Variants in HDAC9 observed in about 807,000 individuals in gnomAD.
HDAC9 encodes the protein MEF-2 interacting transcription repressor (MITR) protein.
HDAC9 carries 41 observed loss-of-function variants against 139.4 expected under a neutral mutation model. That is an observed-to-expected ratio of 0.29 (90% CI 0.23 to 0.38). HDAC9 has a LOEUF of 0.38. Among genes scored for constraint, HDAC9 ranks in the 10% least tolerant of loss-of-function variants. The pLI, the probability that HDAC9 is intolerant of heterozygous loss-of-function variation, is 1.00. For missense variants in HDAC9, 1,147 were observed against 1,297.0 expected (o/e 0.88, Z 1.78); for synonymous variants, 517 against 476.2 (o/e 1.09, Z -1.12).
chr7:18,635,867 A>C (rs2128995001), intron 8 of HDAC9, among the ~76,000 whole-genome samples: 2 of 152,200 alleles, frequency 1.3e-5, no homozygotes, highest in East Asian at 3.9e-4. Context: ...CTGTCTCCTG[A>C]GGCAACCCAG....
intron 1 of HDAC9, among the ~76,000 whole-genome samples, chr7:18,110,823 A>G (rs1783565788): frequency 6.6e-6 from 1 of 152,136 alleles, no homozygotes; most frequent in Admixed American, 6.6e-5. Context: ...AGTAATTGTG[A>G]TGATGGGGAA....
intron 21 of HDAC9, among the ~76,000 whole-genome samples, chr7:18,871,652 T>C (rs557183839): frequency 1.4e-4 from 21 of 152,208 alleles, no homozygotes; most frequent in Non-Finnish European, 2.5e-4. Flanking sequence ...ATCAGTGCTT[T>C]CACAGATTTG....
intron 22 of HDAC9, among the ~76,000 whole-genome samples, chr7:18,883,802 CA>C (rs921603771): frequency 9.3e-5 from 14 of 151,018 alleles, no homozygotes; most frequent in Admixed American, 4.0e-4. Context: ...AAGGTTCCAG[CA>C]AAAAAAACCT....
intron 1 of HDAC9, among the ~76,000 whole-genome samples, chr7:18,486,380 A>G (rs1023381278): frequency 5.3e-5 from 8 of 152,156 alleles, no homozygotes; most frequent in Non-Finnish European, 1.0e-4. Context: ...GTATATGATC[A>G]TAAGGCCCTT....
At chr7:18,125,560 A>T (rs941861581) in intron 1 of HDAC9, among the ~76,000 whole-genome samples, 2 of 151,962 alleles carry the variant, frequency 1.3e-5, no homozygotes, top group Non-Finnish European at 2.9e-5. Context: ...TAATGACAAC[A>T]CTTTGGAAAC....
intron 21 of HDAC9, chr7:18,851,266 G>C (rs1585152573): frequency 1.3e-5 from 2 of 152,312 alleles, no homozygotes; most frequent in East Asian, 1.9e-4. Context: ...CCCATGTGTC[G>C]AGGGAGGGAC....
chr7:18,920,376 G>C (rs573048389), intron 22 of HDAC9, among the ~76,000 whole-genome samples: 20 of 152,182 alleles, frequency 1.3e-4, no homozygotes, highest in Admixed American at 2.6e-4. Context: ...TTGCTTATCA[G>C]CTTAAGGAGA....
At chr7:18,519,928 G>T (rs1804489501) in intron 2 of HDAC9, among the ~76,000 whole-genome samples, 1 of 151,924 alleles carries the variant, frequency 6.6e-6, no homozygotes, top group Admixed American at 6.6e-5. Flanking sequence ...AACATAGAAG[G>T]ATGAGCTCAA....
intron 13 of HDAC9, among the ~76,000 whole-genome samples, chr7:18,729,225 C>T (rs182827417): frequency 2.0e-5 from 3 of 152,106 alleles, no homozygotes; most frequent in African/African-American, 4.8e-5. Context: ...TCAGAAAATA[C>T]AGAGTAACAA....
At chr7:18,982,134 G>C (rs147408022) in intron 25 of HDAC9, among the ~76,000 whole-genome samples, 312 of 152,190 alleles carry the variant, frequency 2.1e-3, no homozygotes, top group African/African-American at 7.1e-3. Flanking sequence ...ACAATAACTT[G>C]AGACAATATA....
intron 1 of HDAC9, chr7:18,429,113 C>T (rs1562977215): frequency 6.6e-6 from 1 of 152,154 alleles, no homozygotes; most frequent in Admixed American, 6.5e-5. Context: ...ACTAGCAAGG[C>T]TTGTTGTTTT....
In HDAC9 at chr7:18,835,520, C is replaced by T; in HGVS notation, c.2520C>T (p.Ile840=). The T allele has an allele frequency of 6.2e-7, 1 of 1,613,550 alleles. No individual in the cohort carries two copies. The highest frequency in any genetic ancestry group is 8.5e-7 in the Non-Finnish European group (1 of 1,179,510). ...TQQAFYADPS[I]LYISLHRYDE... ...AGGCCTTTTATGCTGACCCCAGCAT[C>T]CTGTACATTTCACTCCATCGCTATG... Residue 840 remains isoleucine (I), a synonymous_variant, in exon 20 of 26, where the codon ATC becomes ATT. Coordinates refer to ENST00000686413, the MANE Select transcript of HDAC9 (RefSeq NM_178425.4).
chr7:18,242,643 G>C (rs1426729970), intron 2 of HDAC9, among the ~76,000 whole-genome samples: 1 of 152,086 alleles, frequency 6.6e-6, no homozygotes, highest in Non-Finnish European at 1.5e-5. Context: ...GTATTTCATA[G>C]TGACATCAAA....
At chr7:18,738,297 T>C (rs557647302) in intron 13 of HDAC9, among the ~76,000 whole-genome samples, 1 of 152,222 alleles carries the variant, frequency 6.6e-6, no homozygotes, top group African/African-American at 2.4e-5. Flanking sequence ...TTTGATCCTG[T>C]CATTATGATG....
At chr7:18,962,341 C>T (rs936877359) in intron 24 of HDAC9, among the ~76,000 whole-genome samples, 1 of 152,108 alleles carries the variant, frequency 6.6e-6, no homozygotes, top group African/African-American at 2.4e-5. Flanking sequence ...TGTATCACAG[C>T]CAGGTCAGAC....
At chr7:18,147,275 G>T (rs938048855) in intron 1 of HDAC9, among the ~76,000 whole-genome samples, 1 of 152,108 alleles carries the variant, frequency 6.6e-6, no homozygotes, top group Non-Finnish European at 1.5e-5. Flanking sequence ...TCTTGACTTT[G>T]CAGACTTAAG....
At chr7:18,854,874 T>A (rs1797560266) in intron 21 of HDAC9, among the ~76,000 whole-genome samples, 1 of 152,204 alleles carries the variant, frequency 6.6e-6, no homozygotes, top group Non-Finnish European at 1.5e-5. Context: ...TAATGGTCTA[T>A]ATATTTTGAC....
intron 23 of HDAC9, among the ~76,000 whole-genome samples, chr7:18,941,785 T>C (rs1013143490): frequency 6.6e-6 from 1 of 152,156 alleles, no homozygotes; most frequent in Non-Finnish European, 1.5e-5. Flanking sequence ...GGGGAAAATA[T>C]TATTTGAAGA....
At chr7:18,204,543 G>C (rs1298430171) in intron 2 of HDAC9, among the ~76,000 whole-genome samples, 2 of 151,838 alleles carry the variant, frequency 1.3e-5, no homozygotes, top group Non-Finnish European at 2.9e-5. Flanking sequence ...TTGAGACCCT[G>C]AACAGTGATC....
Sources: gnomAD v4.1 joint callset for allele counts (sites outside exome capture counted in the v4.1 genomes callset) on GRCh38, gnomAD v4.1.1 for gene constraint, MANE v1.5 for transcripts, NCBI Gene and HGNC (gene_info 2026-07-23, HGNC 2026-07-21) for gene names.